ARHGDIB: variants seen among roughly 807,000 people sequenced by gnomAD.
ARHGDIB encodes rho GDP-dissociation inhibitor 2.
A neutral mutation model predicts 22.6 loss-of-function variants in ARHGDIB; 20 were observed. The observed-to-expected ratio is 0.88, with a 90% CI of 0.62 to 1.28. The LOEUF is 1.28. Among genes scored for constraint, ARHGDIB ranks in the 50% most tolerant of loss-of-function variants. ARHGDIB has a pLI of 0.00. For synonymous variants in ARHGDIB, 114 were observed against 96.1 expected (o/e 1.19, Z -1.09); for missense variants, 254 against 245.4 (o/e 1.04, Z -0.23).
intron 1 of ARHGDIB, among the ~76,000 whole-genome samples, chr12:14,955,335 C>T (rs1864276669): frequency 6.6e-6 from 1 of 152,128 alleles, no homozygotes; most frequent in South Asian, 2.1e-4. Flanking sequence ...ACCCTATAGA[C>T]AGTGAAAAGA....
chr12:14,947,926 CCT>C lies in ARHGDIB; in HGVS notation c.287_288del (p.Lys96ArgfsTer10). 2 of 1,613,016 alleles carry C rather than the reference CCT, an allele frequency of 1.2e-6. No homozygotes were observed. Among genetic ancestry groups the C allele is most frequent in the Non-Finnish European group, 1.7e-6 (2 of 1,179,050 alleles). On this transcript the variant is annotated frameshift_variant, in exon 4 of 6. Coordinates refer to ENST00000228945, the MANE Select transcript of ARHGDIB (RefSeq NM_001175.7). LOFTEE classifies it high-confidence loss of function. The part of the protein sequence containing the change: ...DLTGDLEALK[K>X]ETIVLKEGSE... ...GAACCTTCCTTTAACACAATGGTTTCCTTTTTGAGGGCTTCCAGATCTCCTGT... is the reference window on the plus strand; with the variant it reads ...GAACCTTCCTTTAACACAATGGTTTCTTTTGAGGGCTTCCAGATCTCCTGT...
At chr12:14,943,268 T>G (rs573198860) in intron 5 of ARHGDIB, among the ~76,000 whole-genome samples, 131 of 152,292 alleles carry the variant, frequency 8.6e-4, no homozygotes, top group African/African-American at 3.0e-3. Context: ...AAGGCTATGG[T>G]TCAGTAACCT....
chr12:14,943,511 T>C lies in ARHGDIB; in HGVS notation c.407-790A>G, dbSNP rs542198489. 5.9e-5 allele frequency among the ~76,000 whole-genome samples: 9 copies of C among 152,300 alleles called. 1 individual carries two copies. In the South Asian group the frequency reaches 1.9e-3, roughly 32 times the overall value. On this transcript the variant is annotated intron_variant, in intron 5 of 5. Transcript: ENST00000228945. ...CAATGGCCTAAGTCATATAACATTT[T>C]TGAGCCTCCATTTCTTTGTGTATAT...
chr12:14,952,199 T>A (rs533532016), intron 1 of ARHGDIB, among the ~76,000 whole-genome samples: 2 of 150,940 alleles, frequency 1.3e-5, no homozygotes, highest in South Asian at 2.1e-4. Flanking sequence ...TAGTTTTGAG[T>A]TTCAATGTCA....
Position 14,942,730 on chromosome 12 carries a change from AAAG to A in ARHGDIB, c.407-12_407-10del, listed in dbSNP as rs1414332992. 3 of 1,613,158 alleles carry A rather than the reference AAAG, an allele frequency of 1.9e-6. No individual in the cohort carries two copies. Among genetic ancestry groups the A allele is most frequent in the Non-Finnish European group, 2.5e-6 (3 of 1,179,812 alleles). On this transcript the variant is annotated splice_polypyrimidine_tract_variant and intron_variant, in intron 5 of 5. Transcript: ENST00000228945. ...AAATGTTGCTTTATCCACTAAGAAG[AAAG>A]AAGAGTTCATTAGGGTAAGAGCCTG...
intron 1 of ARHGDIB, among the ~76,000 whole-genome samples, chr12:14,951,656 T>G (rs543081096): frequency 4.7e-5 from 7 of 147,610 alleles, no homozygotes; most frequent in Admixed American, 1.4e-4. Context: ...TACCCTGGAG[T>G]CTTCCTTCAT....
rs12228189 is a variant in ARHGDIB at position 14,958,209 on chromosome 12, C to T, written c.-13+3328G>A. Among the ~76,000 whole-genome samples the T allele has an allele frequency of 7.9e-5, 12 of 152,222 alleles. 1 individual carries two copies. The highest frequency in any genetic ancestry group is 2.6e-4 in the Admixed American group (4 of 15,290). ...CAGGACACCAGAAGCCTTCTTGGTT[C>T]GGGATTCCACCCTCTCCCCACCGCC... On this transcript the variant is annotated intron_variant, in intron 1 of 5. Transcript: ENST00000228945.
intron 1 of ARHGDIB, among the ~76,000 whole-genome samples, chr12:14,955,424 C>A (rs938730458): frequency 6.6e-6 from 1 of 152,060 alleles, no homozygotes; most frequent in Non-Finnish European, 1.5e-5. Context: ...TACATAAATA[C>A]CTCCTATGAA....
chr12:14,944,594 C>T (rs1863964402), intron 5 of ARHGDIB, among the ~76,000 whole-genome samples, 182 bp downstream of exon 5: 1 of 152,184 alleles, frequency 6.6e-6, no homozygotes, highest in Non-Finnish European at 1.5e-5. Context: ...AAACGAGGTC[C>T]CCTGAGCATT....
intron 1 of ARHGDIB, among the ~76,000 whole-genome samples, chr12:14,952,276 CCA>C (rs1864193926): frequency 1.9e-5 from 1 of 51,372 alleles, no homozygotes; most frequent in East Asian, 3.2e-4. Context: ...TTTAATGGAA[CCA>C]AAAAAAAAAA....
intron 1 of ARHGDIB, chr12:14,961,112 A>G (rs1440295285): frequency 6.6e-6 from 1 of 152,398 alleles, no homozygotes; most frequent in Admixed American, 6.5e-5. Context: ...AGGAAACCAC[A>G]TATCTCCACC....
At chr12:14,950,477 T>C in intron 2 of ARHGDIB, 55 bp downstream of exon 2, 5 of 1,512,614 alleles carry the variant, frequency 3.3e-6, no homozygotes, top group Admixed American at 2.1e-5. Context: ...GCAGCCAAAA[T>C]GTCTTCTTCC....
chr12:14,955,111 G>C (rs921554715), intron 1 of ARHGDIB, among the ~76,000 whole-genome samples: 1 of 151,764 alleles, frequency 6.6e-6, no homozygotes, highest in African/African-American at 2.4e-5. Flanking sequence ...CATAATAAAG[G>C]GTACCATAAT....
intron 1 of ARHGDIB, among the ~76,000 whole-genome samples, chr12:14,959,310 C>T (rs1464148619): frequency 2.0e-5 from 3 of 152,076 alleles, no homozygotes; most frequent in African/African-American, 7.2e-5. Context: ...CCCAGCTACT[C>T]GGGAGGTTGA....
intron 1 of ARHGDIB, among the ~76,000 whole-genome samples, chr12:14,952,281 A>AG (rs1470491258): frequency 6.6e-6 from 1 of 150,762 alleles, no homozygotes; most frequent in Non-Finnish European, 1.5e-5. Context: ...TGGAACCAAA[A>AG]AAAAAAAAAA....
At chr12:14,945,447 T>G (rs2120682315) in intron 4 of ARHGDIB, among the ~76,000 whole-genome samples, 1 of 152,378 alleles carries the variant, frequency 6.6e-6, no homozygotes, top group East Asian at 1.9e-4. Context: ...TCTTGCTATT[T>G]TCCCAAGCCT....
At chr12:14,955,024 C>T (rs1314241582) in intron 1 of ARHGDIB, among the ~76,000 whole-genome samples, 1 of 152,070 alleles carries the variant, frequency 6.6e-6, no homozygotes, top group East Asian at 1.9e-4. Context: ...ACAGATGCTG[C>T]ATATTTTATT....
intron 1 of ARHGDIB, among the ~76,000 whole-genome samples, chr12:14,960,478 C>A (rs547455066): frequency 1.3e-5 from 2 of 152,146 alleles, no homozygotes; most frequent in Non-Finnish European, 2.9e-5. Flanking sequence ...TTAGTTATCT[C>A]ATACCTAAAG....
intron 1 of ARHGDIB, among the ~76,000 whole-genome samples, chr12:14,959,388 T>C (rs1864366539): frequency 6.6e-6 from 1 of 152,196 alleles, no homozygotes; most frequent in African/African-American, 2.4e-5. Context: ...GCCCTGTGAA[T>C]TGCAATTCAG....
Sources: allele counts gnomAD v4.1 joint callset (sites outside exome capture counted in the v4.1 genomes callset), GRCh38; gene constraint gnomAD v4.1.1; transcripts MANE v1.5; gene names NCBI Gene and HGNC (gene_info 2026-07-23, HGNC 2026-07-21).